MICAL2: variants seen among roughly 807,000 people sequenced by gnomAD.
The protein encoded by MICAL2 is [F-actin]-monooxygenase MICAL2.
A neutral mutation model predicts 127.3 loss-of-function variants in MICAL2; 77 were observed. That is an observed-to-expected ratio of 0.60 (90% CI 0.50 to 0.73). MICAL2 has a LOEUF of 0.73. Ranked by LOEUF, MICAL2 falls within the 30% of genes least tolerant of loss-of-function variation. The pLI, the probability that MICAL2 is intolerant of heterozygous loss-of-function variation, is 0.00. For synonymous variants in MICAL2, 570 were observed against 551.1 expected (o/e 1.03, Z -0.48); for missense variants, 1,351 against 1,434.4 (o/e 0.94, Z 0.94).
At chr11:12,284,118 A>G (rs939157859) in intron 2 of MICAL2, among the ~76,000 whole-genome samples, 1 of 152,220 alleles carries the variant, frequency 6.6e-6, no homozygotes, top group African/African-American at 2.4e-5. Flanking sequence ...AAGCAACTAA[A>G]TGAATCGATC....
chr11:12,289,703 G>A (rs552789249), downstream of MICAL2, among the ~76,000 whole-genome samples: 211 of 151,990 alleles, frequency 1.4e-3, no homozygotes, highest in African/African-American at 4.9e-3. Flanking sequence ...CGAGTAGCTG[G>A]GACCACAGGC....
At chr11:12,343,406 TAA>T (rs57546290) in intron 32 of MICAL2, among the ~76,000 whole-genome samples, 129 of 110,072 alleles carry the variant, frequency 1.2e-3, no homozygotes, top group South Asian at 2.3e-3. Context: ...TTCATCTCAT[TAA>T]AAAAAAAAAA....
At chr11:12,217,353 C>T (rs1448877797) in intron 8 of MICAL2, among the ~76,000 whole-genome samples, 1 of 152,184 alleles carries the variant, frequency 6.6e-6, no homozygotes, top group Non-Finnish European at 1.5e-5. Context: ...TGGGCCTTCT[C>T]CACTTCAGCT....
At chr11:12,126,472 C>T (rs1393126962) in intron 1 of MICAL2, among the ~76,000 whole-genome samples, 2 of 152,194 alleles carry the variant, frequency 1.3e-5, no homozygotes, top group African/African-American at 4.8e-5. Flanking sequence ...GAGATCACAG[C>T]TGGCTCTGAA....
intron 31 of MICAL2, among the ~76,000 whole-genome samples, chr11:12,326,749 G>A (rs775458572): frequency 6.6e-6 from 1 of 152,158 alleles, no homozygotes; most frequent in Non-Finnish European, 1.5e-5. Context: ...GGTTCTTCTT[G>A]GAGAAAATAG....
chr11:12,217,634 T>C (rs1856348219), intron 8 of MICAL2, among the ~76,000 whole-genome samples: 2 of 152,108 alleles, frequency 1.3e-5, no homozygotes, highest in South Asian at 4.1e-4. Context: ...CAGGCAAAGC[T>C]TGATGGGTTT....
chr11:12,187,878 A>G (rs1370309062), intron 3 of MICAL2, among the ~76,000 whole-genome samples: 2 of 133,354 alleles, frequency 1.5e-5, no homozygotes, highest in African/African-American at 2.8e-5. Flanking sequence ...TCCCTGGGGT[A>G]GGCGGGTTGT....
chr11:12,154,209 C>T (rs73414208), intron 2 of MICAL2, among the ~76,000 whole-genome samples: 7,922 of 152,224 alleles, frequency 0.052, 275 homozygotes, highest in South Asian at 0.13. Context: ...AAGCTAATTC[C>T]TTAAATTAGC....
At chr11:12,313,950 G>A (rs1224167638) in intron 29 of MICAL2, among the ~76,000 whole-genome samples, 3 of 91,754 alleles carry the variant, frequency 3.3e-5, no homozygotes, top group Non-Finnish European at 7.1e-5. Context: ...TGGCCTTAAT[G>A]TCTTGGTCTG....
chr11:12,338,236 G>T (rs1354391813), intron 32 of MICAL2, among the ~76,000 whole-genome samples: 1 of 152,064 alleles, frequency 6.6e-6, no homozygotes, highest in East Asian at 1.9e-4. Context: ...TTTGATCTTT[G>T]TTGGTTTAAA....
chr11:12,120,927 A>C (rs1197832256), intron 1 of MICAL2, among the ~76,000 whole-genome samples: 1 of 152,192 alleles, frequency 6.6e-6, no homozygotes, highest in Non-Finnish European at 1.5e-5. Flanking sequence ...CCCTGGACTG[A>C]GGAGGGCTGT....
intron 26 of MICAL2, chr11:12,261,187 A>T: frequency 2.0e-6 from 2 of 985,494 alleles, no homozygotes; most frequent in Non-Finnish European, 2.4e-6. Flanking sequence ...TGGCCTGCCC[A>T]GTGAGCATTG....
intron 1 of MICAL2, among the ~76,000 whole-genome samples, chr11:12,122,421 G>T (rs945280216): frequency 1.3e-5 from 2 of 152,112 alleles, no homozygotes; most frequent in Non-Finnish European, 2.9e-5. Context: ...ACTTTTAATT[G>T]TTTTTTAAAG....
At chr11:12,284,520 C>T (rs1863804783) in intron 2 of MICAL2, among the ~76,000 whole-genome samples, 1 of 152,178 alleles carries the variant, frequency 6.6e-6, no homozygotes, top group African/African-American at 2.4e-5. Context: ...CTATTAACAC[C>T]AGTGATGGAA....
In MICAL2 at chr11:12,327,231, G is replaced by T. The variant is rs909129207; in HGVS notation, c.5480G>T (p.Gly1827Val). ...CGGCAGAGGGCTTCTGAGATCCAGG[G>T]TGTGAGGCTGGAGAAGGCGTTGCGA... Residue 1827 changes from glycine to valine, a missense_variant, in exon 32 of 35, where the codon GGT (glycine) becomes GTT (valine). Coordinates refer to the MICAL2 transcript ENST00000646065. The T allele has an allele frequency of 5.2e-6, 8 of 1,551,218 alleles. 1 individual carries two copies. In the East Asian group the frequency reaches 9.8e-5, roughly 19 times the overall value.
intron 7 of MICAL2, among the ~76,000 whole-genome samples, chr11:12,214,422 A>G (rs750889850): frequency 1.4e-4 from 22 of 152,132 alleles, no homozygotes; most frequent in Non-Finnish European, 2.8e-4. Context: ...CTTAAATCGC[A>G]GTGTCCACAC....
chr11:12,221,655 C>T lies in MICAL2; in HGVS notation c.1218C>T (p.Pro406=), dbSNP rs1159839393. The part of the protein sequence containing the change: ...VGDSLLEPFW[P]MGTGCARGFL... ...GTTTTCTTTTGCAGCCATTTTGGCC[C>T]ATGGGTACAGGCTGTGCCCGTGGCT... Residue 406 remains proline, a synonymous_variant, in exon 10 of 28, where the codon CCC becomes CCT. Coordinates refer to ENST00000683283, the MANE Select transcript of MICAL2 (RefSeq NM_001282663.2). 5.0e-6 allele frequency: 8 copies of T among 1,607,990 alleles called. No homozygotes were observed. Among genetic ancestry groups the T allele is most frequent in the Non-Finnish European group, 6.8e-6 (8 of 1,176,750 alleles).
chr11:12,167,389 C>A (rs547265116), intron 3 of MICAL2, among the ~76,000 whole-genome samples: 1 of 152,284 alleles, frequency 6.6e-6, no homozygotes, highest in East Asian at 1.9e-4. Flanking sequence ...CCGGTTTGTG[C>A]TCGAGGGCCA....
At chr11:12,279,284 T>A (rs537532173) in intron 1 of MICAL2, among the ~76,000 whole-genome samples, 1 of 152,268 alleles carries the variant, frequency 6.6e-6, no homozygotes, top group South Asian at 2.1e-4. Flanking sequence ...GGCTCATTGT[T>A]AACTTGGACA....
Sources: allele counts gnomAD v4.1 joint callset (sites outside exome capture counted in the v4.1 genomes callset), GRCh38; gene constraint gnomAD v4.1.1; transcripts MANE v1.5; gene names NCBI Gene and HGNC (gene_info 2026-07-23, HGNC 2026-07-21).